The following DNM3 variants were observed in gnomAD, a reference collection of about 807,000 sequenced individuals.
The protein encoded by DNM3 is dynamin 3.
DNM3 carries 47 observed loss-of-function variants against 101.6 expected under a neutral mutation model. The ratio of observed to expected loss-of-function variants is 0.46; its 90% CI spans 0.37 to 0.59. The LOEUF (loss-of-function observed/expected upper bound fraction) is 0.59. Among genes scored for constraint, DNM3 ranks in the 20% least tolerant of loss-of-function variants. The probability of loss-of-function intolerance (pLI) is 0.00; values close to 1 mark genes in which losing one functional copy is unlikely to be tolerated. For synonymous variants in DNM3, 385 were observed against 387.9 expected, an observed-to-expected ratio of 0.99 and a Z score of 0.09; for missense variants, 849 against 1,085.7, an observed-to-expected ratio of 0.78 and a Z score of 3.06.
chr1:172,156,709 A>G (rs777674362), intron 14 of DNM3, among the ~76,000 whole-genome samples: 4 of 152,122 alleles, frequency 2.6e-5, no homozygotes, highest in Non-Finnish European at 4.4e-5. Context: ...TATACTATAA[A>G]TAAACTAACT....
chr1:172,001,926 A>G (rs1035752178), intron 4 of DNM3, among the ~76,000 whole-genome samples: 4 of 152,032 alleles, frequency 2.6e-5, no homozygotes, highest in East Asian at 1.9e-4. Flanking sequence ...CAGATATCCA[A>G]TCTGCTGTCT....
chr1:172,157,231 A>G (rs1250582495), intron 14 of DNM3, among the ~76,000 whole-genome samples: 1 of 152,066 alleles, frequency 6.6e-6, no homozygotes, highest in Non-Finnish European at 1.5e-5. Context: ...TAAGGAACAC[A>G]CACCCTAGAT....
chr1:172,267,227 G>A (rs2062897997), intron 15 of DNM3, among the ~76,000 whole-genome samples: 3 of 152,144 alleles, frequency 2.0e-5, no homozygotes, highest in African/African-American at 7.2e-5. Flanking sequence ...GTATCCCCAG[G>A]GCCTAACACA....
chr1:171,871,016 G>A (rs566219020), intron 1 of DNM3, among the ~76,000 whole-genome samples: 72 of 152,298 alleles, frequency 4.7e-4, no homozygotes, highest in African/African-American at 1.7e-3. Flanking sequence ...GCAGAGGGTT[G>A]ACTAAAGAGG....
intron 15 of DNM3, among the ~76,000 whole-genome samples, chr1:172,269,589 A>T (rs1417814629): frequency 6.6e-6 from 1 of 152,262 alleles, no homozygotes; most frequent in Non-Finnish European, 1.5e-5. Flanking sequence ...TTTGTTAAAA[A>T]AACTAGCTTT....
chr1:172,147,116 G>T (rs1258924107), intron 14 of DNM3, among the ~76,000 whole-genome samples: 1 of 152,008 alleles, frequency 6.6e-6, no homozygotes, highest in Non-Finnish European at 1.5e-5. Flanking sequence ...ATAGTTCAAC[G>T]AATATTTATT....
At chr1:172,174,886 G>T (rs2059100440) in intron 14 of DNM3, among the ~76,000 whole-genome samples, 1 of 151,718 alleles carries the variant, frequency 6.6e-6, no homozygotes, top group East Asian at 1.9e-4. Flanking sequence ...AAATGGTTCA[G>T]AAAGTTTCCA....
chr1:172,129,491 G>A (rs1235832369), intron 13 of DNM3, among the ~76,000 whole-genome samples: 4 of 152,088 alleles, frequency 2.6e-5, no homozygotes, highest in African/African-American at 7.2e-5. Flanking sequence ...ACCCGAGACT[G>A]GGAAGAAAAA....
intron 17 of DNM3, among the ~76,000 whole-genome samples, chr1:172,357,192 A>G (rs1376362277): frequency 6.6e-6 from 1 of 152,106 alleles, no homozygotes; most frequent in Non-Finnish European, 1.5e-5. Context: ...AGTTTCTCTT[A>G]AGAATCATCA....
intron 8 of DNM3, 42 bp from the exon 9 acceptor site, chr1:172,044,343 A>C: frequency 6.6e-7 from 1 of 1,505,814 alleles, no homozygotes; most frequent in South Asian, 1.2e-5. Context: ...TATTATTCAA[A>C]GGAATTAAGT....
intron 14 of DNM3, among the ~76,000 whole-genome samples, chr1:172,224,267 A>T (rs941378444): frequency 1.3e-5 from 2 of 152,136 alleles, no homozygotes; most frequent in African/African-American, 4.8e-5. Flanking sequence ...GTGAATCCTC[A>T]ATGCACTTAA....
chr1:172,077,755 G>A lies in DNM3; in HGVS notation c.1423-4077G>A, dbSNP rs551930590. On this transcript the variant is annotated intron_variant, in intron 11 of 20. Transcript: ENST00000627582. ...AGTTTTGGAATAAGTGTGATGTGGTGCTGAGAAGAATGTGTATTCTGTTGA... is the reference window on the plus strand; with the variant it reads ...AGTTTTGGAATAAGTGTGATGTGGTACTGAGAAGAATGTGTATTCTGTTGA... Among the ~76,000 whole-genome samples the A allele has an allele frequency of 2.0e-5, 3 of 152,298 alleles. No individual in the cohort carries two copies. The South Asian group carries it at 6.2e-4, about 32-fold the overall frequency.
At chr1:172,167,947 C>A (rs930968798) in intron 14 of DNM3, among the ~76,000 whole-genome samples, 14 of 152,014 alleles carry the variant, frequency 9.2e-5, no homozygotes, top group African/African-American at 2.7e-4. Context: ...CAATTTCCTG[C>A]AAAGTGGAGA....
chr1:172,264,402 A>G (rs929283487), intron 15 of DNM3, among the ~76,000 whole-genome samples: 11 of 152,218 alleles, frequency 7.2e-5, no homozygotes, highest in Admixed American at 3.3e-4. Flanking sequence ...GATTCTATCA[A>G]CTATTCTTAA....
chr1:172,039,058 T>C (rs897213189), intron 7 of DNM3, among the ~76,000 whole-genome samples: 3 of 152,176 alleles, frequency 2.0e-5, no homozygotes, highest in Admixed American at 6.6e-5. Context: ...TTACTAGAGT[T>C]ATTCCTGTGG....
chr1:171,996,471 C>G (rs2046003668), intron 4 of DNM3, among the ~76,000 whole-genome samples: 1 of 151,966 alleles, frequency 6.6e-6, no homozygotes, highest in Admixed American at 6.6e-5. Flanking sequence ...GTAAACACAC[C>G]ATGTGCTTAT....
chr1:172,395,961 A>G (rs1483798321), intron 20 of DNM3, among the ~76,000 whole-genome samples: 1 of 152,224 alleles, frequency 6.6e-6, no homozygotes, highest in Non-Finnish European at 1.5e-5. Context: ...CATCAAGTTT[A>G]GATCCCATGG....
intron 13 of DNM3, among the ~76,000 whole-genome samples, chr1:172,101,476 T>G (rs910038254): frequency 1.2e-4 from 19 of 152,192 alleles, no homozygotes; most frequent in African/African-American, 4.6e-4. Flanking sequence ...TTTTCTAATC[T>G]GTAATAAGCT....
In DNM3 at chr1:172,412,292, C is replaced by G. The variant is rs2071253791; in HGVS notation, c.*4451C>G. 37 of 985,112 alleles carry G rather than the reference C, an allele frequency of 3.8e-5. No homozygotes were observed. Among genetic ancestry groups the G allele is most frequent in the Non-Finnish European group, 4.2e-5 (35 of 829,760 alleles). The allele number at this position is 985,112 out of a possible 1,614,324, so 61.0% of individuals were successfully genotyped here. A position where few individuals can be genotyped will look rare whatever the true frequency, so the allele number is the denominator to read the frequency against. ...TTTTAAAATTATGACAAAAATTACTCTGTCTAACCACTTGCCTTGTCTGCT... is the reference window on the plus strand; with the variant it reads ...TTTTAAAATTATGACAAAAATTACTGTGTCTAACCACTTGCCTTGTCTGCT... On this transcript the variant is annotated 3_prime_UTR_variant, in exon 21 of 21. Coordinates refer to ENST00000627582, the MANE Select transcript of DNM3 (RefSeq NM_015569.5).
Sources: allele counts gnomAD v4.1 joint callset (sites outside exome capture counted in the v4.1 genomes callset), GRCh38; gene constraint gnomAD v4.1.1; transcripts MANE v1.5; gene names NCBI Gene and HGNC (gene_info 2026-07-23, HGNC 2026-07-21).